Variants in RELN observed in about 807,000 individuals in gnomAD.
RELN encodes reelin.
RELN carries 108 observed loss-of-function variants against 427.6 expected under a neutral mutation model. The observed-to-expected ratio is 0.25, with a 90% CI of 0.22 to 0.30. The LOEUF is 0.30. Among genes scored for constraint, RELN ranks in the 10% least tolerant of loss-of-function variants. The pLI, the probability that RELN is intolerant of heterozygous loss-of-function variation, is 1.00. For missense variants in RELN, 3,715 were observed against 4,302.8 expected (o/e 0.86, Z 3.82); for synonymous variants, 1,524 against 1,513.4 (o/e 1.01, Z -0.16).
chr7:103,656,464 A>C (rs78069817), intron 12 of RELN, among the ~76,000 whole-genome samples: 1 of 125,392 alleles, frequency 8.0e-6, no homozygotes, highest in Non-Finnish European at 1.6e-5. Context: ...GAGCCAGGGA[A>C]GGAGAGAGTT....
intron 24 of RELN, among the ~76,000 whole-genome samples, chr7:103,600,766 G>T (rs753732932): frequency 1.8e-4 from 27 of 152,172 alleles, no homozygotes; most frequent in Non-Finnish European, 3.7e-4. Flanking sequence ...AAGGGGCAGA[G>T]AATTTTACTT....
Position 103,472,416 on chromosome 7 carries a change from G to GAA in RELN, c.*394_*395dup. ...ATCATATAAAACATGAGACATAGCC[G>GAA]AAATACAGTCCACTTAAATAGCTTT... is the stretch of plus-strand genomic sequence containing the variant. On this transcript the variant is annotated 3_prime_UTR_variant, in exon 65 of 65. Coordinates refer to ENST00000428762, the MANE Select transcript of RELN (RefSeq NM_005045.4). 1 of 265,280 alleles carries GAA rather than the reference G, an allele frequency of 3.8e-6. No homozygotes were observed. Among genetic ancestry groups the GAA allele is most frequent in the South Asian group, 4.5e-5 (1 of 22,436 alleles). The allele number at this position is 265,280 out of a possible 1,614,324, so 16.4% of individuals were successfully genotyped here. A position where few individuals can be genotyped will look rare whatever the true frequency, so the allele number is the denominator to read the frequency against.
At chr7:103,675,206 A>T (rs926547580) in intron 11 of RELN, among the ~76,000 whole-genome samples, 1 of 152,226 alleles carries the variant, frequency 6.6e-6, no homozygotes, top group Non-Finnish European at 1.5e-5. Context: ...ATACAAAATC[A>T]ATGTGCAAAA....
intron 10 of RELN, among the ~76,000 whole-genome samples, chr7:103,694,837 T>TA (rs929039139): frequency 9.9e-5 from 14 of 141,492 alleles, no homozygotes; most frequent in African/African-American, 5.7e-5. Context: ...TTTTTTTTTT[T>TA]TAATTTTTGT....
chr7:103,905,319 C>T lies in RELN; in HGVS notation c.337+11756G>A, dbSNP rs926886723. Among the ~76,000 whole-genome samples, 3 of 152,056 alleles carry T rather than the reference C, an allele frequency of 2.0e-5. No homozygotes were observed. In the South Asian group the frequency reaches 6.2e-4, roughly 32 times the overall value. On this transcript the variant is annotated intron_variant, in intron 2 of 64. Transcript: ENST00000428762. ...CTATAGAAGATACTTAATCACTGTC[C>T]TACCTGCAAATATTAGTGTCTGCCA...
chr7:103,733,963 GACC>G (rs1255315196), intron 6 of RELN, among the ~76,000 whole-genome samples: 1 of 152,046 alleles, frequency 6.6e-6, no homozygotes, highest in African/African-American at 2.4e-5. Context: ...TCTCTATAAA[GACC>G]ACAAGTAATC....
chr7:103,836,019 A>G (rs1267058588), intron 2 of RELN, among the ~76,000 whole-genome samples: 1 of 150,472 alleles, frequency 6.6e-6, no homozygotes, highest in Admixed American at 6.6e-5. Context: ...GCAATGGTGC[A>G]ACCTTGGCTT....
At chr7:103,589,858 A>T in intron 27 of RELN, 30 bp from the exon 28 acceptor site, 1 of 1,462,476 alleles carries the variant, frequency 6.8e-7, no homozygotes, top group Non-Finnish European at 9.6e-7. Flanking sequence ...GAATTATACA[A>T]GATTTTGGTT....
chr7:103,478,363 C>T lies in RELN; in HGVS notation c.10286+26G>A, dbSNP rs776225151. ...CTGATGAAACTATTAGTAAACAGTTCCCCAGATTTAGTAAGGAGGACTTAC... is the reference window on the plus strand; with the variant it reads ...CTGATGAAACTATTAGTAAACAGTTTCCCAGATTTAGTAAGGAGGACTTAC... On this transcript the variant is annotated intron_variant, in intron 64 of 64. Coordinates refer to ENST00000428762, the MANE Select transcript of RELN (RefSeq NM_005045.4). 3.2e-5 allele frequency: 24 copies of T among 756,088 alleles called. No homozygotes were observed. The South Asian group carries it at 3.3e-4, about 10-fold the overall frequency. 46.8% of individuals were successfully genotyped at this position (756,088 alleles called of 1,614,324 possible).
In RELN at chr7:103,889,445, C is replaced by T. The variant is rs2299399; in HGVS notation, c.337+27630G>A. Among the ~76,000 whole-genome samples, 23 of 152,206 alleles carry T rather than the reference C, an allele frequency of 1.5e-4. 1 individual carries two copies. In the East Asian group the frequency reaches 3.5e-3, roughly 23 times the overall value. On this transcript the variant is annotated intron_variant, in intron 2 of 64. Coordinates refer to ENST00000428762, the MANE Select transcript of RELN (RefSeq NM_005045.4). Reference sequence around the variant, plus strand: ...CTTACGAGTTAAAGTGCATAACTCACGGAAAGTGTGAAAAGCCATATACAA... The same window carrying T: ...CTTACGAGTTAAAGTGCATAACTCATGGAAAGTGTGAAAAGCCATATACAA...
rs2117361930 is a variant in RELN at position 103,640,490 on chromosome 7, C to T, written c.2069+53G>A. On this transcript the variant is annotated intron_variant, in intron 17 of 64. Transcript: ENST00000428762. This position sits in a 1 kb window ranked among gnomAD's most constrained non-coding sequence, Gnocchi z 4.1. Reference sequence around the variant, plus strand: ...TATTAAATGACTTGCGACTTCAACACATACATTACACATCAAAAAGGAGAA... The same window carrying T: ...TATTAAATGACTTGCGACTTCAACATATACATTACACATCAAAAAGGAGAA... 4 of 1,565,686 alleles carry T rather than the reference C, an allele frequency of 2.6e-6. No individual in the cohort carries two copies. Among genetic ancestry groups the T allele is most frequent in the Non-Finnish European group, 3.5e-6 (4 of 1,136,440 alleles).
intron 3 of RELN, among the ~76,000 whole-genome samples, chr7:103,826,251 ATCT>A (rs2116386797): frequency 6.6e-6 from 1 of 151,544 alleles, no homozygotes; most frequent in African/African-American, 2.4e-5. Flanking sequence ...TTAGCCAAAA[ATCT>A]TCTATTGTTT....
intron 17 of RELN, among the ~76,000 whole-genome samples, chr7:103,638,465 G>A (rs1832629570): frequency 6.6e-6 from 1 of 152,144 alleles, no homozygotes; most frequent in African/African-American, 2.4e-5. Flanking sequence ...GGGGAGAGGT[G>A]GAGTAAAGAG....
intron 41 of RELN, among the ~76,000 whole-genome samples, chr7:103,549,970 A>G (rs888107606): frequency 1.3e-5 from 2 of 152,182 alleles, no homozygotes; most frequent in African/African-American, 4.8e-5. Flanking sequence ...TATGATCTCC[A>G]GAGACACTCT....
At chr7:103,775,929 T>C (rs1791727543) in intron 4 of RELN, among the ~76,000 whole-genome samples, 1 of 152,136 alleles carries the variant, frequency 6.6e-6, no homozygotes, top group African/African-American at 2.4e-5. Flanking sequence ...AATGCTATAA[T>C]GGAAACACAA....
intron 2 of RELN, among the ~76,000 whole-genome samples, chr7:103,907,779 T>A (rs201486877): frequency 1.0e-5 from 1 of 96,768 alleles, no homozygotes; most frequent in African/African-American, 3.8e-5. Context: ...TTTTTCTTTT[T>A]TAAAAAAAAA....
At chr7:103,833,513 A>G in intron 3 of RELN, 24 bp downstream of exon 3, 1 of 1,609,308 alleles carries the variant, frequency 6.2e-7, no homozygotes, top group Non-Finnish European at 8.5e-7. Flanking sequence ...TTCTGTACGT[A>G]TGGCAGACAC....
chr7:103,852,580 C>T (rs964918909), intron 2 of RELN, among the ~76,000 whole-genome samples: 4 of 151,976 alleles, frequency 2.6e-5, no homozygotes, highest in Admixed American at 2.6e-4. Context: ...TTTTTAGGAG[C>T]CCTAAATTTC....
intron 53 of RELN, among the ~76,000 whole-genome samples, chr7:103,500,456 T>G (rs2117032168): frequency 1.3e-5 from 2 of 152,250 alleles, no homozygotes; most frequent in South Asian, 4.1e-4. Context: ...GGCTTAATAT[T>G]GACTTTAAAA....
Sources: gnomAD v4.1 joint callset for allele counts (sites outside exome capture counted in the v4.1 genomes callset) on GRCh38, gnomAD v4.1.1 for gene constraint, Gnocchi (gnomAD v3.1) non-coding constraint, MANE v1.5 for transcripts, NCBI Gene and HGNC (gene_info 2026-07-23, HGNC 2026-07-21) for gene names.